SMN1: variants seen among roughly 807,000 people sequenced by gnomAD.
SMN1 encodes survival motor neuron protein.
For missense variants in SMN1, 15 were observed against 17.1 expected, an observed-to-expected ratio of 0.88 and a Z score of 0.22; for synonymous variants, 3 against 5.1, an observed-to-expected ratio of 0.58 and a Z score of 0.56.
At chr5:70,960,382 G>A in the SMN1 span, among the ~76,000 whole-genome samples, 1 of 149,652 alleles carries the variant, frequency 6.7e-6, no homozygotes, top group African/African-American at 2.4e-5. Flanking sequence ...TGAAAAATTT[G>A]AGAACCTTAT....
In SMN1 at chr5:70,950,274, G is replaced by A. The variant is rs1298911606; in HGVS notation, c.835-1667G>A. On this transcript the variant is annotated intron_variant, in intron 7 of 8. Transcript: ENST00000380707. ...CTCTACTAAAAATACAAAACTAGCC[G>A]GGCATGGTGGCGCATGCCTGTAATC... Among the ~76,000 whole-genome samples the A allele has an allele frequency of 3.0e-3, 439 of 146,238 alleles. 8 individuals are homozygous for A. Among genetic ancestry groups the A allele is most frequent in the Non-Finnish European group, 4.7e-3 (315 of 66,542 alleles).
chr5:70,950,469 T>C (rs974354331), intron 7 of SMN1, among the ~76,000 whole-genome samples: 8 of 150,340 alleles, frequency 5.3e-5, no homozygotes, highest in African/African-American at 1.9e-4. Flanking sequence ...TTATTTATTT[T>C]TTAAGATGGA....
At chr5:70,944,415 CTTATT>C (rs1462355978) in intron 5 of SMN1, 1 of 206,224 alleles carries the variant, frequency 4.8e-6, no homozygotes, top group Non-Finnish European at 9.8e-6. Flanking sequence ...AATCACCACT[CTTATT>C]TTGTTTTACT....
chr5:70,959,381 A>C, the SMN1 span, among the ~76,000 whole-genome samples: 1 of 148,006 alleles, frequency 6.8e-6, no homozygotes, highest in East Asian at 2.0e-4. Context: ...CATTGTGCAC[A>C]TGTACCCTAA....
intron 5 of SMN1, among the ~76,000 whole-genome samples, chr5:70,943,620 A>C (rs1294869044): frequency 1.5e-5 from 1 of 66,588 alleles, no homozygotes; most frequent in Non-Finnish European, 3.2e-5. Context: ...TAGAGTTCAA[A>C]TGTAAATATT....
the SMN1 span, among the ~76,000 whole-genome samples, chr5:70,959,001 G>C: frequency 0.097 from 14,386 of 148,534 alleles, 1,175 homozygotes; most frequent in African/African-American, 0.34. Flanking sequence ...GACTTGGAAC[G>C]AACCCAAATG....
Position 70,951,961 on chromosome 5 carries a change from A to G in SMN1, c.855A>G (p.Lys285=). Residue 285 remains lysine (K), a synonymous_variant, in exon 8 of 9, where the codon AAA becomes AAG. Coordinates refer to ENST00000380707, the MANE Select transcript of SMN1 (RefSeq NM_000344.4). ...TACAGGGTTTCAGACAAAATCAAAA[A>G]GAAGGAAGGTGCTCACATTCCTTAA... is the stretch of plus-strand genomic sequence containing the variant. ...GYYMGFRQNQ[K]EGRCSHSLN The G allele has an allele frequency of 6.2e-7, 1 of 1,613,130 alleles. No homozygotes were observed. Among genetic ancestry groups the G allele is most frequent in the East Asian group, 2.2e-5 (1 of 44,754 alleles).
downstream of SMN1, among the ~76,000 whole-genome samples, chr5:70,957,389 T>G (rs1239072749): frequency 7.8e-6 from 1 of 128,236 alleles, no homozygotes; most frequent in African/African-American, 2.8e-5. Flanking sequence ...ATCCCTGTCT[T>G]GTGCGTGTTT....
At chr5:70,956,727 T>C (rs1407759322), downstream of SMN1, among the ~76,000 whole-genome samples, 46 of 150,518 alleles carry the variant, frequency 3.1e-4, 1 homozygote, top group East Asian at 8.4e-3. Flanking sequence ...AGCCTTGTAG[T>C]ATAGTTTGAA....
chr5:70,956,845 C>T (rs1749918576), downstream of SMN1, among the ~76,000 whole-genome samples: 1 of 143,662 alleles, frequency 7.0e-6, no homozygotes, highest in Non-Finnish European at 1.5e-5. Context: ...TTTTCCAATT[C>T]TGTGAAGAAA....
downstream of SMN1, among the ~76,000 whole-genome samples, chr5:70,955,658 G>A (rs1480921145): frequency 2.7e-5 from 4 of 146,720 alleles, no homozygotes; most frequent in Admixed American, 6.8e-5. Context: ...GGTGGTGGGC[G>A]CCTGTAATCC....
chr5:70,955,008 T>C (rs1489425922), downstream of SMN1, among the ~76,000 whole-genome samples: 1 of 130,568 alleles, frequency 7.7e-6, no homozygotes, highest in Non-Finnish European at 1.6e-5. Flanking sequence ...GCCCAGGAGT[T>C]CAAGACCAGC....
At chr5:70,955,046 C>G (rs1409274825), downstream of SMN1, among the ~76,000 whole-genome samples, 1 of 140,492 alleles carries the variant, frequency 7.1e-6, no homozygotes, top group East Asian at 2.1e-4. Flanking sequence ...ACCCCTGACT[C>G]TACAAAAAAT....
At chr5:70,960,188 C>G in the SMN1 span, among the ~76,000 whole-genome samples, 1 of 150,422 alleles carries the variant, frequency 6.6e-6, no homozygotes, top group African/African-American at 2.4e-5. Flanking sequence ...ATATCGTCTT[C>G]CCATTACCAT....
chr5:70,959,214 C>T, the SMN1 span, among the ~76,000 whole-genome samples: 1 of 147,634 alleles, frequency 6.8e-6, no homozygotes, highest in Admixed American at 6.8e-5. Flanking sequence ...AATGAGAACA[C>T]ATGGACACAG....
chr5:70,960,927 C>A, the SMN1 span, among the ~76,000 whole-genome samples: 1 of 142,228 alleles, frequency 7.0e-6, no homozygotes, highest in Non-Finnish European at 1.6e-5. Flanking sequence ...GAACTCCTGA[C>A]CTCAAGTGAT....
the SMN1 span, among the ~76,000 whole-genome samples, chr5:70,959,891 T>C: frequency 2.0e-5 from 2 of 99,862 alleles, no homozygotes; most frequent in Non-Finnish European, 4.1e-5. Flanking sequence ...TCTGCTCGCC[T>C]TGGCCTCCCA....
chr5:70,951,850 A>G (rs1749760029), intron 7 of SMN1, 91 bp from the exon 8 acceptor site: 8 of 908,676 alleles, frequency 8.8e-6, no homozygotes, highest in Non-Finnish European at 1.4e-5. Flanking sequence ...TGTGAAACAA[A>G]ATGCTTTTTA....
chr5:70,956,779 G>C (rs1279154192), downstream of SMN1, among the ~76,000 whole-genome samples: 1 of 149,790 alleles, frequency 6.7e-6, no homozygotes, highest in African/African-American at 2.4e-5. Flanking sequence ...TTTTGGCTTA[G>C]GATTGACTTG....
Sources: gnomAD v4.1 joint callset for allele counts (sites outside exome capture counted in the v4.1 genomes callset) on GRCh38, gnomAD v4.1.1 for gene constraint, MANE v1.5 for transcripts, NCBI Gene and HGNC (gene_info 2026-07-23, HGNC 2026-07-21) for gene names.